Variants in ABCG8 observed in about 807,000 individuals in gnomAD.
The protein encoded by ABCG8 is ATP binding cassette subfamily G member 8.
A neutral mutation model predicts 71.3 loss-of-function variants in ABCG8; 81 were observed. The observed-to-expected ratio is 1.14, with a 90% CI of 0.95 to 1.37. ABCG8 has a LOEUF of 1.37. Among genes scored for constraint, ABCG8 ranks in the 40% most tolerant of loss-of-function variants. ABCG8 has a pLI of 0.00. For missense variants in ABCG8, 1,119 were observed against 866.2 expected, an observed-to-expected ratio of 1.29 and a Z score of -3.66; for synonymous variants, 451 against 354.7, an observed-to-expected ratio of 1.27 and a Z score of -3.05.
intron 6 of ABCG8, among the ~76,000 whole-genome samples, chr2:43,857,860 C>G (rs1669167164): frequency 1.3e-5 from 2 of 151,730 alleles, no homozygotes. Flanking sequence ...CTCTCACAAT[C>G]TGTATGGAAT....
At chr2:43,861,509 G>A (rs1038464531) in intron 6 of ABCG8, among the ~76,000 whole-genome samples, 1 of 150,756 alleles carries the variant, frequency 6.6e-6, no homozygotes, top group African/African-American at 2.4e-5. Context: ...TCACTCTCTG[G>A]ATAAAACTCT....
At chr2:43,877,732 C>T (rs1670010135) in intron 12 of ABCG8, 44 bp downstream of exon 12, 1 of 1,613,998 alleles carries the variant, frequency 6.2e-7, no homozygotes, top group Non-Finnish European at 8.5e-7. Flanking sequence ...GGACGTCCGG[C>T]TTTCCATCCT....
chr2:43,875,793 C>T (rs147036856), intron 11 of ABCG8, among the ~76,000 whole-genome samples: 1 of 152,312 alleles, frequency 6.6e-6, no homozygotes, highest in African/African-American at 2.4e-5. Flanking sequence ...ACCTGGGCCC[C>T]TCCACATCCC....
chr2:43,872,193 C>G (rs532711934), intron 7 of ABCG8, 30 bp from the exon 8 acceptor site: 2 of 1,614,016 alleles, frequency 1.2e-6, no homozygotes, highest in South Asian at 2.2e-5. Context: ...TGGCTGCCCC[C>G]ATGACCTGGC....
At chr2:43,875,037 A>G (rs1037434318) in intron 10 of ABCG8, 109 bp from the exon 11 acceptor site, 16 of 1,494,222 alleles carry the variant, frequency 1.1e-5, no homozygotes, top group Non-Finnish European at 1.5e-5. Context: ...CAGCCTCATC[A>G]TCACCAGGAG....
chr2:43,839,929 G>A (rs1412525838), intron 1 of ABCG8, among the ~76,000 whole-genome samples: 1 of 152,202 alleles, frequency 6.6e-6, no homozygotes, highest in South Asian at 2.1e-4. Flanking sequence ...AAGCTGGAAG[G>A]AGTAGAAGCA....
At chr2:43,873,678 C>A (rs1045133317) in intron 8 of ABCG8, 109 bp from the exon 9 acceptor site, 10 of 1,095,076 alleles carry the variant, frequency 9.1e-6, no homozygotes, top group African/African-American at 3.1e-5. Context: ...GTATTACCAT[C>A]CCCATTTTGC....
intron 6 of ABCG8, among the ~76,000 whole-genome samples, chr2:43,853,787 A>C (rs1033796571): frequency 2.0e-5 from 3 of 152,178 alleles, no homozygotes; most frequent in African/African-American, 7.2e-5. Flanking sequence ...GTTGTAAGGC[A>C]CAGAACTGGG....
At chr2:43,862,216 A>G (rs4132010) in intron 6 of ABCG8, among the ~76,000 whole-genome samples, 65,556 of 150,576 alleles carry the variant, frequency 0.44, 15,068 homozygotes, top group East Asian at 0.86. Context: ...CACTCTTTGG[A>G]TAGAACTCTC....
chr2:43,839,167 A>G (rs1037535033), intron 1 of ABCG8, 51 bp downstream of exon 1: 2 of 1,539,066 alleles, frequency 1.3e-6, no homozygotes, highest in Non-Finnish European at 1.8e-6. Context: ...GGTAGGAGAA[A>G]TCAAACCTTT....
chr2:43,871,960 C>T lies in ABCG8; in HGVS notation c.965-16C>T, dbSNP rs1302270431. On this transcript the variant is annotated splice_polypyrimidine_tract_variant and intron_variant, in intron 6 of 12. Transcript: ENST00000272286. ...AGGGAACAGGCCACCTGTGACTCCA[C>T]ATCCCCTGCTTGCAGTGGACCTGAC... 1.9e-6 allele frequency: 3 copies of T among 1,613,882 alleles called. No individual in the cohort carries two copies. Among genetic ancestry groups the T allele is most frequent in the Admixed American group, 1.7e-5 (1 of 60,006 alleles).
At chr2:43,851,855 T>G in intron 4 of ABCG8, 33 bp downstream of exon 4, 7 of 1,608,778 alleles carry the variant, frequency 4.4e-6, no homozygotes, top group Non-Finnish European at 6.0e-6. Context: ...GACCCCCAGG[T>G]CCAAGAAGCT....
chr2:43,875,020 C>T, intron 10 of ABCG8, 126 bp from the exon 11 acceptor site: 1 of 1,379,248 alleles, frequency 7.3e-7, no homozygotes, highest in South Asian at 1.2e-5. Flanking sequence ...AGCACACCCT[C>T]CTGCCACAGC....
intron 11 of ABCG8, among the ~76,000 whole-genome samples, 158 bp from the exon 12 acceptor site, chr2:43,877,403 A>G (rs2104951883): frequency 6.6e-6 from 1 of 150,958 alleles, no homozygotes; most frequent in South Asian, 2.1e-4. Context: ...GGGAGACTGA[A>G]TATATGGGAG....
At chr2:43,861,433 A>G (rs950354819) in intron 6 of ABCG8, among the ~76,000 whole-genome samples, 42 of 150,436 alleles carry the variant, frequency 2.8e-4, no homozygotes, top group African/African-American at 1.0e-3. Flanking sequence ...TAGAACTCTC[A>G]CTATCAATGC....
chr2:43,852,704 TC>T lies in ABCG8; in HGVS notation c.801del (p.Ser268ProfsTer18). 1 of 1,614,146 alleles carries T rather than the reference TC, an allele frequency of 6.2e-7. No homozygotes were observed. Among genetic ancestry groups the T allele is most frequent in the Non-Finnish European group, 8.5e-7 (1 of 1,180,014 alleles). On this transcript the variant is annotated frameshift_variant, in exon 6 of 13. Coordinates refer to ENST00000272286, the MANE Select transcript of ABCG8 (RefSeq NM_022437.3). LOFTEE classifies it high-confidence loss of function. The stretch of plus-strand genomic sequence containing the variant: ...GCCAAAGGCAACCGGCTGGTGCTCA[TC>T]TCCCTCCACCAGCCTCGCTCTGACA... ...RLAKGNRLVL[I>X]SLHQPRSDIF...
At chr2:43,872,376 T>C in intron 8 of ABCG8, 70 bp downstream of exon 8, 2 of 1,485,634 alleles carry the variant, frequency 1.3e-6, no homozygotes, top group Non-Finnish European at 1.8e-6. Flanking sequence ...ATTAAGCCCT[T>C]TCTATTAAAG....
rs138711636 is a variant in ABCG8 at position 43,873,921 on chromosome 2, C to T, written c.1346C>T (p.Ala449Val). ...GSIQLSFMDT[A>V]ALLFMIGALI... ...ATCCAGCTCTCCTTCATGGATACAG[C>T]CGCCCTCTTGTTCATGATCGGTGCT... The change falls in exon 9 of 13, where the codon GCC becomes GTC. Residue 449 changes from alanine to valine, a missense_variant. Coordinates refer to ENST00000272286, the MANE Select transcript of ABCG8 (RefSeq NM_022437.3). 7 of 1,614,124 alleles carry T rather than the reference C, an allele frequency of 4.3e-6. No homozygotes were observed. Among genetic ancestry groups the T allele is most frequent in the East Asian group, 2.2e-5 (1 of 44,878 alleles).
intron 6 of ABCG8, among the ~76,000 whole-genome samples, chr2:43,860,000 G>C (rs924061373): frequency 6.6e-6 from 1 of 150,916 alleles, no homozygotes; most frequent in Admixed American, 6.6e-5. Flanking sequence ...TCACCCTCTG[G>C]ACAGAACTCT....
Sources: gnomAD v4.1 joint callset for allele counts (sites outside exome capture counted in the v4.1 genomes callset) on GRCh38, gnomAD v4.1.1 for gene constraint, MANE v1.5 for transcripts, NCBI Gene and HGNC (gene_info 2026-07-23, HGNC 2026-07-21) for gene names.